Variants in FNIP1 observed in about 807,000 individuals in gnomAD.
FNIP1 encodes folliculin interacting protein 1.
FNIP1 carries 40 observed loss-of-function variants against 124.5 expected under a neutral mutation model. The observed-to-expected ratio is 0.32, with a 90% confidence interval of 0.25 to 0.42. The LOEUF (loss-of-function observed/expected upper bound fraction) is 0.42, where lower values mean the gene tolerates loss of function less well. Among genes scored for constraint, FNIP1 ranks in the 10% least tolerant of loss-of-function variants. The probability of loss-of-function intolerance (pLI) is 1.00; values close to 1 mark genes in which losing one functional copy is unlikely to be tolerated. For synonymous variants in FNIP1, 472 were observed against 470.6 expected (o/e 1.00, Z -0.04); for missense variants, 1,176 against 1,403.7 (o/e 0.84, Z 2.59).
chr5:131,657,767 G>T (rs1382224021), intron 15 of FNIP1, among the ~76,000 whole-genome samples: 1 of 144,974 alleles, frequency 6.9e-6, no homozygotes, highest in Non-Finnish European at 1.5e-5. Flanking sequence ...AACGGTGGGT[G>T]AAGGCTTTCA....
intron 8 of FNIP1, 24 bp from the exon 9 acceptor site, chr5:131,706,570 G>A (rs1769121259): frequency 6.6e-7 from 1 of 1,521,586 alleles, no homozygotes; most frequent in Non-Finnish European, 8.8e-7. Flanking sequence ...AGAACAACAA[G>A]TATAAGTCAA....
chr5:131,670,953 C>T (rs1422727680), intron 14 of FNIP1, among the ~76,000 whole-genome samples: 1 of 152,076 alleles, frequency 6.6e-6, no homozygotes, highest in Non-Finnish European at 1.5e-5. Flanking sequence ...TCCTAAGAGA[C>T]TTTAAGAGAA....
chr5:131,688,682 C>A (rs1190078304), intron 11 of FNIP1, among the ~76,000 whole-genome samples: 17 of 111,218 alleles, frequency 1.5e-4, no homozygotes, highest in Non-Finnish European at 2.3e-4. Context: ...TTTAAAAAAT[C>A]AAAAGGAAAT....
chr5:131,652,241 A>C (rs1454604219), intron 15 of FNIP1, among the ~76,000 whole-genome samples: 1 of 152,268 alleles, frequency 6.6e-6, no homozygotes, highest in Non-Finnish European at 1.5e-5. Flanking sequence ...TTTAGTCCAG[A>C]ACTTAACTTT....
chr5:131,772,878 CTGAGA>C (rs113518892), intron 1 of FNIP1, among the ~76,000 whole-genome samples: 8 of 152,202 alleles, frequency 5.3e-5, no homozygotes, highest in African/African-American at 1.9e-4. Flanking sequence ...ATGACATCAA[CTGAGA>C]TAACTTCCTA....
intron 1 of FNIP1, among the ~76,000 whole-genome samples, chr5:131,766,332 G>A (rs540478980): frequency 6.6e-6 from 1 of 152,190 alleles, no homozygotes; most frequent in Non-Finnish European, 1.5e-5. Flanking sequence ...ATCAGCCACT[G>A]CAGCTGGCCT....
intron 1 of FNIP1, among the ~76,000 whole-genome samples, chr5:131,760,429 T>A (rs1482524003): frequency 2.0e-5 from 3 of 152,140 alleles, no homozygotes; most frequent in Non-Finnish European, 4.4e-5. Flanking sequence ...CTCTTTTCCT[T>A]ATCAATCATT....
chr5:131,719,273 T>A, intron 4 of FNIP1, 44 bp downstream of exon 4: 1 of 1,552,018 alleles, frequency 6.4e-7, no homozygotes, highest in African/African-American at 1.4e-5. Flanking sequence ...AACGAAAATA[T>A]CTAAAAATGG....
rs115041127 is a variant in FNIP1, at chr5:131,777,043, G to A, written c.92+19787C>T. 5.4e-3 allele frequency among the ~76,000 whole-genome samples: 824 copies of A among 152,124 alleles called. 8 individuals are homozygous for A. The highest frequency in any genetic ancestry group is 0.017 in the African/African-American group (712 of 41,502). ...GCTGAGGAGTTCAAGACCAGTCGAA[G>A]CAACATAGCGAGACTCTGTATCTAC... On this transcript the variant is annotated intron_variant, in intron 1 of 17. Transcript: ENST00000510461.
chr5:131,735,604 A>G (rs1770271123), intron 2 of FNIP1, among the ~76,000 whole-genome samples: 2 of 148,962 alleles, frequency 1.3e-5, no homozygotes, highest in South Asian at 4.2e-4. Context: ...ATATATGTAT[A>G]CATATACACA....
At chr5:131,792,350 G>T (rs1194019360) in intron 1 of FNIP1, among the ~76,000 whole-genome samples, 1 of 152,038 alleles carries the variant, frequency 6.6e-6, no homozygotes, top group African/African-American at 2.4e-5. Context: ...TAGTAGAGAT[G>T]GGGTTTCACC....
chr5:131,670,561 A>G lies in FNIP1; in HGVS notation c.3010T>C (p.Tyr1004His). ...ANFGRSLLGG[Y>H]CSSYVPDFVL... ...AAGTCAGGCACATAAGATGAGCAGT[A>G]GCCACCCAGCAAGGACCTCCCGAAG... The change falls in exon 15 of 18, where the codon TAC becomes CAC. Residue 1004 changes from tyrosine (Y) to histidine (H), a missense_variant. By Grantham distance (83) the Tyr-to-His change is moderately conservative. Transcript: ENST00000510461. 6.2e-7 allele frequency: 1 copy of G among 1,613,946 alleles called. No homozygotes were observed. The highest frequency in any genetic ancestry group is 1.1e-5 in the South Asian group (1 of 91,042).
intron 10 of FNIP1, among the ~76,000 whole-genome samples, chr5:131,700,997 C>T (rs1227183538): frequency 1.3e-5 from 2 of 152,120 alleles, no homozygotes; most frequent in African/African-American, 4.8e-5. Context: ...GGTCGGGGTC[C>T]CCAGCCTCTG....
Position 131,651,841 on chromosome 5 carries a change from G to C in FNIP1, c.3267C>G (p.Ser1089=). ...VSSLVSNLLH[S]TLQLYKHNLS... Reference sequence around the variant, plus strand: ...AGTTATGCTTATAAAGCTGAAGTGTGGAATGAAGCAGATTGGAAACAAGAC... The same window carrying C: ...AGTTATGCTTATAAAGCTGAAGTGTCGAATGAAGCAGATTGGAAACAAGAC... The change falls in exon 16 of 18, where the codon TCC becomes TCG. Residue 1089 remains serine (S), a synonymous_variant. Coordinates refer to ENST00000510461, the MANE Select transcript of FNIP1 (RefSeq NM_133372.3). 6.2e-7 allele frequency: 1 copy of C among 1,614,112 alleles called. No homozygotes were observed. Among genetic ancestry groups the C allele is most frequent in the Non-Finnish European group, 8.5e-7 (1 of 1,180,026 alleles).
At chr5:131,790,259 G>A (rs1455379395) in intron 1 of FNIP1, among the ~76,000 whole-genome samples, 1 of 152,020 alleles carries the variant, frequency 6.6e-6, no homozygotes, top group African/African-American at 2.4e-5. Flanking sequence ...TTTTGATAGC[G>A]TGTTTAAGAT....
chr5:131,691,908 C>T (rs1768492411), intron 11 of FNIP1, among the ~76,000 whole-genome samples: 1 of 152,112 alleles, frequency 6.6e-6, no homozygotes, highest in Non-Finnish European at 1.5e-5. Context: ...TAACATCATA[C>T]TTATGGTGAG....
chr5:131,678,954 A>G lies in FNIP1; in HGVS notation c.1349+75T>C, dbSNP rs568684905. 52 of 988,468 alleles carry G rather than the reference A, an allele frequency of 5.3e-5. No individual in the cohort carries two copies. The East Asian group carries it at 1.4e-3, about 26-fold the overall frequency. The allele number at this position is 988,468 out of a possible 1,614,324, so 61.2% of individuals were successfully genotyped here. A position where few individuals can be genotyped will look rare whatever the true frequency, so the allele number is the denominator to read the frequency against. On this transcript the variant is annotated intron_variant, in intron 12 of 17. Transcript: ENST00000510461. ...ATAATATAAAATAATTCCAAAGATA[A>G]TGGATGATTCTTCCACATCTGTAAT...
At chr5:131,664,634 CA>C (rs33956526) in intron 15 of FNIP1, among the ~76,000 whole-genome samples, 27 of 77,418 alleles carry the variant, frequency 3.5e-4, no homozygotes, top group South Asian at 1.0e-3. Flanking sequence ...GACCCTGTCT[CA>C]AAAAAAAAAA....
intron 13 of FNIP1, among the ~76,000 whole-genome samples, chr5:131,674,420 C>A (rs1580744965): frequency 6.6e-6 from 1 of 152,164 alleles, no homozygotes; most frequent in East Asian, 1.9e-4. Flanking sequence ...AGTGCCAAAA[C>A]TATGGAGAAT....
Sources: gnomAD v4.1 joint callset for allele counts (sites outside exome capture counted in the v4.1 genomes callset) on GRCh38, gnomAD v4.1.1 for gene constraint, MANE v1.5 for transcripts, NCBI Gene and HGNC (gene_info 2026-07-23, HGNC 2026-07-21) for gene names.